Variants in ZNF845 observed in about 807,000 individuals in gnomAD.
ZNF845 encodes zinc finger protein 845.
A neutral mutation model predicts 76.1 loss-of-function variants in ZNF845; 59 were observed. The observed-to-expected ratio is 0.78, with a 90% CI of 0.63 to 0.96. The LOEUF (loss-of-function observed/expected upper bound fraction) is 0.96, where lower values mean the gene tolerates loss of function less well. Ranked by LOEUF, ZNF845 falls within the 40% of genes least tolerant of loss-of-function variation. The pLI, the probability that ZNF845 is intolerant of heterozygous loss-of-function variation, is 0.00. For synonymous variants in ZNF845, 361 were observed against 386.9 expected (o/e 0.93, Z 0.78); for missense variants, 1,045 against 1,172.8 (o/e 0.89, Z 1.59).
intron 1 of ZNF845, among the ~76,000 whole-genome samples, chr19:53,337,835 G>A (rs1245072893): frequency 1.3e-5 from 2 of 151,412 alleles, no homozygotes; most frequent in Non-Finnish European, 2.9e-5. Flanking sequence ...CAGAGTGCTA[G>A]GGTACAGGTA....
rs1336087456 is a variant in ZNF845 at position 53,351,794 on chromosome 19, T to C, written c.1119T>C (p.His373=). The stretch of plus-strand genomic sequence containing the variant: ...GTTTCAAATCAAACCTTGAAAGACA[T>C]AGGAAAATTCATACTGGAGAGAAAC... The part of the protein sequence containing the change: ...AFSFKSNLER[H]RKIHTGEKPY... The change falls in exon 4 of 4, where the codon CAT becomes CAC. Residue 373 remains histidine (H), a synonymous_variant. Coordinates refer to ENST00000458035, the MANE Select transcript of ZNF845 (RefSeq NM_138374.3). The C allele has an allele frequency of 4.3e-6, 7 of 1,613,558 alleles. No homozygotes were observed. The highest frequency in any genetic ancestry group is 3.3e-5 in the Admixed American group (2 of 59,940).
rs111757330 is a variant in ZNF845, at chr19:53,345,559, G to A, written c.69G>A (p.Lys23=). 0.057 allele frequency: 91,662 copies of A among 1,613,804 alleles called. 3,813 individuals are homozygous for A. Among genetic ancestry groups the A allele is most frequent in the Admixed American group, 0.21 (12,561 of 59,970 alleles). ...TAGAATTCTCTCAGGAAGAGTGGAAGTGCCTGGACCCTGCTCAGAGGACTC... is the reference window on the plus strand; with the variant it reads ...TAGAATTCTCTCAGGAAGAGTGGAAATGCCTGGACCCTGCTCAGAGGACTC... ...VAIEFSQEEW[K]CLDPAQRTLY... is the part of the protein sequence containing the mutation. The change falls in exon 3 of 4, where the codon AAG becomes AAA. Residue 23 remains lysine, a synonymous_variant. Coordinates refer to ENST00000458035, the MANE Select transcript of ZNF845 (RefSeq NM_138374.3).
chr19:53,353,453 C>T lies in ZNF845; in HGVS notation c.2778C>T (p.His926=), dbSNP rs769368068. 1 of 1,612,600 alleles carries T rather than the reference C, an allele frequency of 6.2e-7. No individual in the cohort carries two copies. Among genetic ancestry groups the T allele is most frequent in the East Asian group, 2.2e-5 (1 of 44,760 alleles). ...KCNECGKTFR[H]NSVLVIHKTI... ...ATGAGTGTGGCAAAACCTTCCGTCA[C>T]AATTCAGTCCTTGTAATTCATAAGA... Residue 926 remains histidine, a synonymous_variant, in exon 4 of 4, where the codon CAC becomes CAT. Coordinates refer to ENST00000458035, the MANE Select transcript of ZNF845 (RefSeq NM_138374.3).
rs577377228 is a variant in ZNF845 at position 53,341,783 on chromosome 19, T to A, written c.15+461T>A. The stretch of plus-strand genomic sequence containing the variant: ...CTGATTTTATACTACATTTTTAGTT[T>A]TTTGAGTGAGTTACTGTGTTTCTGA... On this transcript the variant is annotated intron_variant, in intron 2 of 3. Transcript: ENST00000458035. 8.5e-5 allele frequency among the ~76,000 whole-genome samples: 13 copies of A among 152,328 alleles called. No individual in the cohort carries two copies. The South Asian group carries it at 2.7e-3, about 32-fold the overall frequency.
At chr19:53,348,512 G>C (rs2085311849) in intron 3 of ZNF845, among the ~76,000 whole-genome samples, 1 of 152,110 alleles carries the variant, frequency 6.6e-6, no homozygotes, top group Non-Finnish European at 1.5e-5. Flanking sequence ...TTCATGAGTA[G>C]TCAACACCCA....
chr19:53,351,188 T>C lies in ZNF845; in HGVS notation c.513T>C (p.Ala171=). ...AAGTTGAGAAGTCTATCAACAGTGCTTCGTTGGTTTCAACATCCCAAAGAA... is the reference window on the plus strand; with the variant it reads ...AAGTTGAGAAGTCTATCAACAGTGCCTCGTTGGTTTCAACATCCCAAAGAA... ...GNQVEKSINS[A]SLVSTSQRIS... is the part of the protein sequence containing the mutation. Residue 171 remains alanine (A), a synonymous_variant, in exon 4 of 4, where the codon GCT becomes GCC. Transcript: ENST00000458035. 1.2e-6 allele frequency: 2 copies of C among 1,614,230 alleles called. No individual in the cohort carries two copies. The highest frequency in any genetic ancestry group is 1.1e-5 in the South Asian group (1 of 91,082).
intron 1 of ZNF845, among the ~76,000 whole-genome samples, chr19:53,334,787 G>C (rs1185872015): frequency 6.6e-6 from 1 of 151,270 alleles, no homozygotes; most frequent in East Asian, 2.0e-4. Flanking sequence ...GTGCACACCT[G>C]TAATCCCAGC....
chr19:53,346,735 G>T (rs2085299719), intron 3 of ZNF845, among the ~76,000 whole-genome samples: 1 of 152,098 alleles, frequency 6.6e-6, no homozygotes, highest in Non-Finnish European at 1.5e-5. Flanking sequence ...AGAACTCTTT[G>T]TTCTTTATGT....
intron 3 of ZNF845, among the ~76,000 whole-genome samples, chr19:53,347,803 G>A (rs1307026958): frequency 6.6e-6 from 1 of 152,174 alleles, no homozygotes; most frequent in Non-Finnish European, 1.5e-5. Context: ...TCTAATCCCA[G>A]CAGTTTGGGA....
At chr19:53,342,849 G>A (rs749141557) in intron 2 of ZNF845, among the ~76,000 whole-genome samples, 1 of 151,886 alleles carries the variant, frequency 6.6e-6, no homozygotes, top group Non-Finnish European at 1.5e-5. Context: ...ACTGAGTTTT[G>A]CTCTTGTTGC....
In ZNF845 at chr19:53,345,427, T is replaced by TCC. The variant is rs926920528; in HGVS notation, c.16-78_16-77dup. The TCC allele has an allele frequency of 2.5e-5, 40 of 1,607,660 alleles. No homozygotes were observed. In the East Asian group the frequency reaches 2.7e-4, roughly 11 times the overall value. On this transcript the variant is annotated intron_variant, in intron 2 of 3. Transcript: ENST00000458035. ...ATTCACTACAATTAAATCCATGCTT[T>TCC]CCTCTCTCCTCTTCTCATTTCGTGT...
Position 53,350,867 on chromosome 19 carries a change from C to T in ZNF845, c.192C>T (p.Gly64=), listed in dbSNP as rs778595487. ...MMKEFSSTAQ[G]NTEVIHTGTL... is the part of the protein sequence containing the mutation. ...AGGAGTTCTCATCAACAGCACAAGG[C>T]AATACAGAAGTGATCCACACAGGGA... The change falls in exon 4 of 4, where the codon GGC becomes GGT. Residue 64 remains glycine (G), a synonymous_variant. Coordinates refer to ENST00000458035, the MANE Select transcript of ZNF845 (RefSeq NM_138374.3). The T allele has an allele frequency of 1.2e-5, 20 of 1,613,776 alleles. No homozygotes were observed. The highest frequency in any genetic ancestry group is 1.2e-5 in the Non-Finnish European group (14 of 1,179,990).
chr19:53,346,672 C>T (rs1217807611), intron 3 of ZNF845, among the ~76,000 whole-genome samples: 2 of 152,156 alleles, frequency 1.3e-5, no homozygotes, highest in African/African-American at 4.8e-5. Context: ...CAGAGCGACA[C>T]TCTGTCTCAA....
rs2085381954 is a variant in ZNF845 at position 53,355,798 on chromosome 19, T to C, written c.*2210T>C. The C allele has an allele frequency of 1.3e-5, 2 of 152,228 alleles. No homozygotes were observed. Among genetic ancestry groups the C allele is most frequent in the Non-Finnish European group, 2.9e-5 (2 of 68,042 alleles). The allele number at this position is 152,228 out of a possible 1,614,324, so 9.4% of individuals were successfully genotyped here. A position where few individuals can be genotyped will look rare whatever the true frequency, so the allele number is the denominator to read the frequency against. ...GTGGTCATTTCATGGATGATTTTTA[T>C]ATTTTTGAGGTAAAACTCTACCTAT... On this transcript the variant is annotated 3_prime_UTR_variant, in exon 4 of 4. Transcript: ENST00000458035.
chr19:53,343,057 T>A (rs59292175), intron 2 of ZNF845, among the ~76,000 whole-genome samples: 1 of 151,872 alleles, frequency 6.6e-6, no homozygotes, highest in East Asian at 1.9e-4. Flanking sequence ...GACCTCAGGT[T>A]ATCCACCCAC....
At chr19:53,345,693 T>C (rs79112194) in intron 3 of ZNF845, 61 bp downstream of exon 3, 57,579 of 1,602,184 alleles carry the variant, frequency 0.036, 1,246 homozygotes, top group African/African-American at 0.088. Context: ...TATTTTCTCT[T>C]TTTTTTAGAT....
chr19:53,333,989 G>A (rs1178977119), intron 1 of ZNF845, among the ~76,000 whole-genome samples, 197 bp downstream of exon 1: 1 of 152,184 alleles, frequency 6.6e-6, no homozygotes, highest in African/African-American at 2.4e-5. Flanking sequence ...GTCCCTTCCC[G>A]AATCTTTCTG....
intron 1 of ZNF845, chr19:53,341,007 A>C (rs991193631): frequency 8.3e-6 from 4 of 482,124 alleles, no homozygotes; most frequent in Non-Finnish European, 1.5e-5. Context: ...CTCCCATTTC[A>C]CACTCCAGCT....
At chr19:53,334,140 C>A (rs901183475) in intron 1 of ZNF845, among the ~76,000 whole-genome samples, 11 of 152,228 alleles carry the variant, frequency 7.2e-5, no homozygotes, top group African/African-American at 2.7e-4. Context: ...TGTCTTAAGG[C>A]GCCGTCGCCC....
Sources: gnomAD v4.1 joint callset for allele counts (sites outside exome capture counted in the v4.1 genomes callset) on GRCh38, gnomAD v4.1.1 for gene constraint, MANE v1.5 for transcripts, NCBI Gene and HGNC (gene_info 2026-07-23, HGNC 2026-07-21) for gene names.